The following USH2A variants were observed in gnomAD, a reference collection of about 807,000 sequenced individuals.
USH2A encodes the protein Usher syndrome 2A (autosomal recessive, mild).
In USH2A, 443 loss-of-function variants were observed where a neutral mutation model predicts 538.9. The observed-to-expected ratio is 0.82, with a 90% confidence interval of 0.76 to 0.89. The LOEUF (loss-of-function observed/expected upper bound fraction) is 0.89. Ranked by LOEUF, USH2A falls within the 40% of genes least tolerant of loss-of-function variation. The probability of loss-of-function intolerance (pLI) is 0.00; values close to 1 mark genes in which losing one functional copy is unlikely to be tolerated. For missense variants in USH2A, 6,633 were observed against 6,324.8 expected (o/e 1.05, Z -1.65); for synonymous variants, 2,413 against 2,273.5 (o/e 1.06, Z -1.75).
chr1:215,774,562 C>T (rs1376565787), intron 55 of USH2A, among the ~76,000 whole-genome samples: 1 of 151,598 alleles, frequency 6.6e-6, no homozygotes, highest in Non-Finnish European at 1.5e-5. Flanking sequence ...AAATACTTTT[C>T]CTCTTTCAAG....
At chr1:215,664,578 TACC>T (rs1257119026) in intron 64 of USH2A, among the ~76,000 whole-genome samples, 3 of 152,252 alleles carry the variant, frequency 2.0e-5, no homozygotes, top group African/African-American at 7.2e-5. Context: ...ACCTGTAGCT[TACC>T]ACTACTCTGC....
intron 61 of USH2A, among the ~76,000 whole-genome samples, chr1:215,688,640 G>C (rs529226347): frequency 6.6e-6 from 1 of 152,208 alleles, no homozygotes; most frequent in South Asian, 2.1e-4. Context: ...CTGGCTTATA[G>C]ACAGCTGTCT....
chr1:215,719,979 C>T (rs898094670), intron 61 of USH2A, among the ~76,000 whole-genome samples: 25 of 152,118 alleles, frequency 1.6e-4, no homozygotes, highest in African/African-American at 5.5e-4. Flanking sequence ...GATGATAGGG[C>T]CATTTAGTTA....
At chr1:216,035,281 A>C (rs1478158840) in intron 32 of USH2A, among the ~76,000 whole-genome samples, 1 of 152,182 alleles carries the variant, frequency 6.6e-6, no homozygotes, top group Non-Finnish European at 1.5e-5. Flanking sequence ...CAAATCCAAT[A>C]TGACTAGTGT....
intron 4 of USH2A, among the ~76,000 whole-genome samples, chr1:216,357,046 C>T (rs1055267186): frequency 6.6e-6 from 1 of 152,052 alleles, no homozygotes; most frequent in African/African-American, 2.4e-5. Flanking sequence ...TGGTATCGTG[C>T]TAATAAAGGT....
At chr1:215,635,261 A>C (rs1656438967) in intron 69 of USH2A, among the ~76,000 whole-genome samples, 1 of 152,148 alleles carries the variant, frequency 6.6e-6, no homozygotes, top group Non-Finnish European at 1.5e-5. Flanking sequence ...TGTGTTTGCT[A>C]CCATGTTGTC....
intron 58 of USH2A, among the ~76,000 whole-genome samples, chr1:215,747,870 T>TG (rs1660516878): frequency 7.2e-6 from 1 of 139,402 alleles, no homozygotes; most frequent in South Asian, 2.2e-4. Context: ...TTTTGTTTTT[T>TG]TTTGTTTGTT....
chr1:215,949,682 C>T (rs1243188265), intron 37 of USH2A, among the ~76,000 whole-genome samples: 1 of 152,104 alleles, frequency 6.6e-6, no homozygotes, highest in East Asian at 1.9e-4. Context: ...TATGTTTCAA[C>T]TGTAGACGGA....
At chr1:215,765,604 C>T (rs1369207700) in intron 56 of USH2A, among the ~76,000 whole-genome samples, 1 of 152,122 alleles carries the variant, frequency 6.6e-6, no homozygotes, top group Non-Finnish European at 1.5e-5. Context: ...ACACATGCCA[C>T]TGAGTATATT....
rs559522343 is a variant in USH2A, at chr1:215,711,527, C to T, written c.12066+16503G>A. On this transcript the variant is annotated intron_variant, in intron 61 of 71. Coordinates refer to ENST00000307340, the MANE Select transcript of USH2A (RefSeq NM_206933.4). ...TCTTTCCATTTTAATTTCCTCATGTCAGTAGAAATTCTAGATACATTTAAC... is the reference window on the plus strand; with the variant it reads ...TCTTTCCATTTTAATTTCCTCATGTTAGTAGAAATTCTAGATACATTTAAC... Among the ~76,000 whole-genome samples, 39 of 152,250 alleles carry T rather than the reference C, an allele frequency of 2.6e-4. No homozygotes were observed. In the South Asian group the frequency reaches 7.3e-3, roughly 28 times the overall value.
chr1:215,696,541 AC>A, intron 61 of USH2A, among the ~76,000 whole-genome samples: 1 of 152,254 alleles, frequency 6.6e-6, no homozygotes, highest in African/African-American at 2.4e-5. Flanking sequence ...GTCAGTCTAA[AC>A]AACCTTACAG....
rs558123371 is a variant in USH2A, at chr1:215,623,644, C to G, written c.*2137G>C. 1 of 152,162 alleles carries G rather than the reference C, an allele frequency of 6.6e-6. No individual in the cohort carries two copies. The highest frequency in any genetic ancestry group is 1.9e-4 in the East Asian group (1 of 5,182). 9.4% of individuals were successfully genotyped at this position (152,162 alleles called of 1,614,324 possible). ...GAAGCCATACAGGCTTCTGTCTGCC[C>G]TAAGCTATGGAGTCAAAATGTAAAT... is the stretch of plus-strand genomic sequence containing the variant. On this transcript the variant is annotated 3_prime_UTR_variant, in exon 72 of 72. Coordinates refer to ENST00000307340, the MANE Select transcript of USH2A (RefSeq NM_206933.4).
intron 61 of USH2A, among the ~76,000 whole-genome samples, chr1:215,722,723 C>A (rs937307893): frequency 2.0e-5 from 3 of 152,154 alleles, no homozygotes; most frequent in African/African-American, 7.2e-5. Context: ...TATTTCTCAG[C>A]ACCTTATGCT....
chr1:216,157,930 T>C (rs2033982492), intron 21 of USH2A, among the ~76,000 whole-genome samples: 2 of 152,194 alleles, frequency 1.3e-5, no homozygotes, highest in South Asian at 4.2e-4. Flanking sequence ...CCGCATGTTG[T>C]ACCCATTATA....
chr1:215,965,506 G>A (rs1280975378), intron 36 of USH2A, 27 bp from the exon 37 acceptor site: 3 of 1,611,782 alleles, frequency 1.9e-6, no homozygotes, highest in Non-Finnish European at 2.5e-6. Context: ...ATTTATTTTT[G>A]TTTGCAAATA....
chr1:215,993,250 G>A, intron 34 of USH2A, 83 bp from the exon 35 acceptor site: 1 of 1,605,346 alleles, frequency 6.2e-7, no homozygotes, highest in Non-Finnish European at 8.5e-7. Context: ...TTCATAATAA[G>A]AGTTTCAGAT....
intron 32 of USH2A, among the ~76,000 whole-genome samples, chr1:216,040,067 AC>A (rs2030202104): frequency 6.6e-6 from 1 of 151,310 alleles, no homozygotes; most frequent in Non-Finnish European, 1.5e-5. Context: ...ACACACACAC[AC>A]ACACACACAC....
At position 215,889,008 on chromosome 1, in the gene USH2A, TCTTGA is replaced by T; in HGVS notation, c.7636_7640del (p.Ser2546AsnfsTer10). On this transcript the variant is annotated frameshift_variant, in exon 41 of 72. Transcript: ENST00000307340. LOFTEE classifies it high-confidence loss of function. ...GATGCTGCCAGGTGACCAACATCATTCTTGACTTCACATCCAGAAGAATCGGAGGA... is the reference window on the plus strand; with the variant it reads ...GATGCTGCCAGGTGACCAACATCATTCTTCACATCCAGAAGAATCGGAGGA... 6.2e-7 allele frequency: 1 copy of T among 1,614,052 alleles called. No homozygotes were observed. Among genetic ancestry groups the T allele is most frequent in the South Asian group, 1.1e-5 (1 of 91,082 alleles).
chr1:215,801,301 GA>G (rs150260253), intron 49 of USH2A, among the ~76,000 whole-genome samples: 6,730 of 148,782 alleles, frequency 0.045, 258 homozygotes, highest in South Asian at 0.14. Flanking sequence ...ATAGGCAAGA[GA>G]AAAAAATAAA....
Sources: allele counts gnomAD v4.1 joint callset (sites outside exome capture counted in the v4.1 genomes callset), GRCh38; gene constraint gnomAD v4.1.1; transcripts MANE v1.5; gene names NCBI Gene and HGNC (gene_info 2026-07-23, HGNC 2026-07-21).